Variants in LMNA observed in about 807,000 individuals in gnomAD.
The protein encoded by LMNA is lamin.
Under a neutral mutation model 70.4 loss-of-function variants are expected in LMNA, and 20 were observed. The observed-to-expected ratio is 0.28, with a 90% CI of 0.20 to 0.41. The LOEUF is 0.41. LMNA is among the 10% of genes least tolerant of loss of function. LMNA has a pLI of 1.00. For synonymous variants in LMNA, 339 were observed against 372.8 expected (o/e 0.91, Z 1.04); for missense variants, 652 against 917.2 (o/e 0.71, Z 3.73).
chr1:156,125,278 A>T (rs1558122165), intron 1 of LMNA, among the ~76,000 whole-genome samples: 2 of 152,088 alleles, frequency 1.3e-5, no homozygotes, highest in Non-Finnish European at 2.9e-5. Context: ...GAGAAGGAGG[A>T]TATATTGCAG....
At chr1:156,088,229 C>T (rs1017343757) in intron 2 of LMNA, among the ~76,000 whole-genome samples, 7 of 152,120 alleles carry the variant, frequency 4.6e-5, no homozygotes, top group Non-Finnish European at 1.0e-4. Flanking sequence ...ATCTAACCAC[C>T]GTCCTTTCTG....
intron 1 of LMNA, among the ~76,000 whole-genome samples, chr1:156,128,626 G>A (rs1558124635): frequency 6.6e-6 from 1 of 152,228 alleles, no homozygotes; most frequent in African/African-American, 2.4e-5. Context: ...CAGTGAGGTG[G>A]AGGAGGAGGA....
upstream of LMNA, among the ~76,000 whole-genome samples, chr1:156,111,478 G>A (rs527459942): frequency 6.0e-5 from 9 of 150,790 alleles, no homozygotes; most frequent in South Asian, 2.1e-4. Flanking sequence ...TTCTCAAACC[G>A]TCCGTTGGAC....
intron 2 of LMNA, among the ~76,000 whole-genome samples, chr1:156,087,478 T>A (rs1442341536): frequency 1.3e-5 from 2 of 151,998 alleles, no homozygotes; most frequent in African/African-American, 2.4e-5. Flanking sequence ...CCTGACCTTG[T>A]GATCCACCCA....
At chr1:156,097,458 G>T (rs1216223025) in intron 3 of LMNA, among the ~76,000 whole-genome samples, 4 of 152,250 alleles carry the variant, frequency 2.6e-5, no homozygotes, top group Admixed American at 2.6e-4. Flanking sequence ...GCTCCACGCC[G>T]TACATGCACA....
At chr1:156,114,221 A>G (rs1649649705), upstream of LMNA, among the ~76,000 whole-genome samples, 2 of 152,110 alleles carry the variant, frequency 1.3e-5, no homozygotes, top group South Asian at 4.1e-4. Context: ...CCACGTGTGG[A>G]GGGGGGTTGG....
chr1:156,130,532 C>A, intron 1 of LMNA, 85 bp from the exon 2 acceptor site: 3 of 1,426,922 alleles, frequency 2.1e-6, no homozygotes, highest in Non-Finnish European at 3.0e-6. Flanking sequence ...CAGCGCCAGC[C>A]CCCATGGCTG....
intron 1 of LMNA, chr1:156,126,689 T>C (rs762348068): frequency 1.3e-6 from 2 of 1,512,222 alleles, no homozygotes; most frequent in Non-Finnish European, 1.8e-6. Context: ...ATTCTTTTCC[T>C]CTCTGTTCCC....
At chr1:156,099,025 C>T (rs1649043877) in intron 3 of LMNA, among the ~76,000 whole-genome samples, 1 of 152,154 alleles carries the variant, frequency 6.6e-6, no homozygotes, top group South Asian at 2.1e-4. Context: ...AATTAGGAAG[C>T]TGCATCAATT....
At position 156,137,821 on chromosome 1, in the gene LMNA, TC is replaced by T. The variant is rs371440703; in HGVS notation, c.1698+82del. ...GCCTGGGGGCAGCCTCTCCCCAGCC[TC>T]CCCGTGCCAAAAATCTTTTCATTAA... On this transcript the variant is annotated intron_variant, in intron 10 of 11. Transcript: ENST00000368300. The surrounding 1 kb of genome is among the most constrained non-coding windows in gnomAD (Gnocchi z 4.6). 619 of 1,542,932 alleles carry T rather than the reference TC, an allele frequency of 4.0e-4. 1 individual carries two copies. The African/African-American group carries it at 7.8e-3, about 20-fold the overall frequency.
intron 1 of LMNA, among the ~76,000 whole-genome samples, chr1:156,125,321 G>T (rs546963347): frequency 1.3e-5 from 2 of 152,258 alleles, no homozygotes; most frequent in Admixed American, 1.3e-4. Flanking sequence ...AGGAGGGGTG[G>T]TAGGAGTGGC....
In LMNA at chr1:156,137,324, T is replaced by C; in HGVS notation, c.1608+92T>C. 2 of 1,490,194 alleles carry C rather than the reference T, an allele frequency of 1.3e-6. No individual in the cohort carries two copies. Among genetic ancestry groups the C allele is most frequent in the South Asian group, 2.4e-5 (2 of 82,454 alleles). The allele number at this position is 1,490,194 out of a possible 1,614,324, so 92.3% of individuals were successfully genotyped here. On this transcript the variant is annotated intron_variant, in intron 9 of 11. Coordinates refer to ENST00000368300, the MANE Select transcript of LMNA (RefSeq NM_170707.4). The surrounding 1 kb of genome is among the most constrained non-coding windows in gnomAD (Gnocchi z 4.6). ...CTGCCCCCAACCCAAGTTTGCCAAT[T>C]CAGGGCCCCTTTCTAGAGCTCTCTG... is the stretch of plus-strand genomic sequence containing the variant.
chr1:156,084,329 G>GGGGT (rs780297406), intron 2 of LMNA, among the ~76,000 whole-genome samples: 1 of 10,796 alleles, frequency 9.3e-5, no homozygotes, highest in Admixed American at 1.3e-3. Flanking sequence ...TCAGAAGGTC[G>GGGGT]GGGGGTGGTG....
In LMNA at chr1:156,134,990, T is replaced by C. The variant is rs749268854; in HGVS notation, c.810+15T>C. ...ATTCTGCCAAGGTGCTTGCTCTCGA[T>C]TGGTTCCCTCACTGCCTCTGCCCTT... On this transcript the variant is annotated intron_variant, in intron 4 of 11. Coordinates refer to ENST00000368300, the MANE Select transcript of LMNA (RefSeq NM_170707.4). This position sits in a 1 kb window ranked among gnomAD's most constrained non-coding sequence, Gnocchi z 5.3. 3.1e-6 allele frequency: 5 copies of C among 1,614,110 alleles called. No individual in the cohort carries two copies. The highest frequency in any genetic ancestry group is 3.3e-5 in the Admixed American group (2 of 60,028).
In LMNA at chr1:156,137,913, G is replaced by A. The variant is rs1651812623; in HGVS notation, c.1698+170G>A. 7.0e-7 allele frequency: 1 copy of A among 1,419,880 alleles called. No individual in the cohort carries two copies. The highest frequency in any genetic ancestry group is 2.3e-5 in the Admixed American group (1 of 44,296). 88.0% of individuals were successfully genotyped at this position (1,419,880 alleles called of 1,614,324 possible). A position where few individuals can be genotyped will look rare whatever the true frequency, so the allele number is the denominator to read the frequency against. On this transcript the variant is annotated intron_variant, in intron 10 of 11. Coordinates refer to ENST00000368300, the MANE Select transcript of LMNA (RefSeq NM_170707.4). The surrounding 1 kb of genome is among the most constrained non-coding windows in gnomAD (Gnocchi z 4.6). ...CTCTCTCCTCCCTATACCTTGAACA[G>A]GGAACCCAGGTGTCTGGGTGCCCTA... is the stretch of plus-strand genomic sequence containing the variant.
In LMNA at chr1:156,139,135, T is replaced by A. The variant is rs763777256; in HGVS notation, c.*29T>A. On this transcript the variant is annotated 3_prime_UTR_variant, in exon 12 of 12. Coordinates refer to ENST00000368300, the MANE Select transcript of LMNA (RefSeq NM_170707.4). ...GGGACCTGCCAGGCAGGGGTGGGGG[T>A]GGAGGCTTCCTGCGTCCTCCTCACC... 1 of 1,613,352 alleles carries A rather than the reference T, an allele frequency of 6.2e-7. No individual in the cohort carries two copies. Among genetic ancestry groups the A allele is most frequent in the Non-Finnish European group, 8.5e-7 (1 of 1,179,828 alleles).
intron 1 of LMNA, among the ~76,000 whole-genome samples, chr1:156,124,310 A>G (rs1650401599): frequency 6.6e-6 from 1 of 150,920 alleles, no homozygotes; most frequent in African/African-American, 2.4e-5. Context: ...TTTTTTTGAG[A>G]TGGAGTCTCG....
chr1:156,115,225 C>G lies in LMNA; in HGVS notation c.307C>G (p.Gln103Glu). The change falls in exon 1 of 12, where the codon CAG (glutamine) becomes GAG (glutamate). Residue 103 changes from glutamine to glutamate, a missense_variant. By Grantham distance (29) the Gln-to-Glu change is conservative. Around this residue, in one of 4 missense-constraint regions of LMNA, gnomAD observed 254 missense variants for 421.9 expected, o/e 0.60. Transcript: ENST00000368300. The surrounding 1 kb of genome is among the most constrained non-coding windows in gnomAD (Gnocchi z 5.8). ...AGTAGCCAAGGAGCGCGCCCGCCTGCAGCTGGAGCTGAGCAAAGTGCGTGA... is the reference window on the plus strand; with the variant it reads ...AGTAGCCAAGGAGCGCGCCCGCCTGGAGCTGGAGCTGAGCAAAGTGCGTGA... ...DSVAKERARL[Q>E]LELSKVREEF... The G allele has an allele frequency of 6.2e-7, 1 of 1,613,364 alleles. No individual in the cohort carries two copies.
At chr1:156,124,567 G>A (rs560669903) in intron 1 of LMNA, among the ~76,000 whole-genome samples, 15 of 152,262 alleles carry the variant, frequency 9.9e-5, no homozygotes, top group African/African-American at 3.1e-4. Context: ...GATTACAGGC[G>A]TGAGCCACTG....
Sources: allele counts gnomAD v4.1 joint callset (sites outside exome capture counted in the v4.1 genomes callset), GRCh38; gene constraint gnomAD v4.1.1; regional missense constraint gnomAD v4.1.1; non-coding constraint Gnocchi (gnomAD v3.1); transcripts MANE v1.5; gene names NCBI Gene and HGNC (gene_info 2026-07-23, HGNC 2026-07-21).